DROSHA: variants seen among roughly 807,000 people sequenced by gnomAD.
The protein encoded by DROSHA is ribonuclease 3.
In DROSHA, 56 loss-of-function variants were observed where a neutral mutation model predicts 181.9. That is an observed-to-expected ratio of 0.31 (90% CI 0.25 to 0.38). The LOEUF (loss-of-function observed/expected upper bound fraction) is 0.38. Ranked by LOEUF, DROSHA falls within the 10% of genes least tolerant of loss-of-function variation. DROSHA has a pLI of 1.00. For missense variants in DROSHA, 1,218 were observed against 1,743.5 expected, an observed-to-expected ratio of 0.70 and a Z score of 5.37; for synonymous variants, 524 against 591.2, an observed-to-expected ratio of 0.89 and a Z score of 1.65.
intron 19 of DROSHA, among the ~76,000 whole-genome samples, chr5:31,465,919 C>T (rs776057730): frequency 1.3e-5 from 2 of 152,128 alleles, no homozygotes; most frequent in East Asian, 1.9e-4. Flanking sequence ...AAATAAACCT[C>T]TTTTCTTTAT....
chr5:31,417,408 T>C (rs886770966), intron 30 of DROSHA, among the ~76,000 whole-genome samples: 1 of 152,174 alleles, frequency 6.6e-6, no homozygotes, highest in Non-Finnish European at 1.5e-5. Context: ...AGAAGAGGAA[T>C]GTAATCCGGC....
intron 13 of DROSHA, among the ~76,000 whole-genome samples, chr5:31,491,094 T>C (rs1752344848): frequency 1.3e-5 from 2 of 151,462 alleles, no homozygotes; most frequent in African/African-American, 4.9e-5. Flanking sequence ...TTTAAAAAAG[T>C]CCACATTTTA....
intron 24 of DROSHA, among the ~76,000 whole-genome samples, chr5:31,436,374 C>T (rs1281950320): frequency 6.7e-6 from 1 of 149,332 alleles, no homozygotes. Context: ...AAAAGCAAAA[C>T]ACTTTCCTGC....
chr5:31,471,623 A>G (rs891139522), intron 17 of DROSHA, among the ~76,000 whole-genome samples: 8 of 152,168 alleles, frequency 5.3e-5, no homozygotes, highest in Non-Finnish European at 1.5e-5. Flanking sequence ...TTAACAAGCA[A>G]TTAACAAAAG....
intron 27 of DROSHA, among the ~76,000 whole-genome samples, chr5:31,426,963 C>T (rs904204050): frequency 3.3e-4 from 50 of 152,040 alleles, no homozygotes; most frequent in African/African-American, 8.0e-4. Context: ...CTCTTGCAAT[C>T]GATCAGATAA....
chr5:31,515,587 A>G, intron 6 of DROSHA, 23 bp from the exon 7 acceptor site: 1 of 1,550,950 alleles, frequency 6.4e-7, no homozygotes, highest in African/African-American at 1.4e-5. Context: ...GATATTTGCA[A>G]AATGTTTGGA....
At chr5:31,439,501 G>C (rs1745295259) in intron 23 of DROSHA, among the ~76,000 whole-genome samples, 1 of 151,968 alleles carries the variant, frequency 6.6e-6, no homozygotes, top group South Asian at 2.1e-4. Flanking sequence ...TAGGTTCAGG[G>C]GTACCTGTGC....
At chr5:31,484,286 A>C (rs1166027122) in intron 15 of DROSHA, among the ~76,000 whole-genome samples, 1 of 148,264 alleles carries the variant, frequency 6.7e-6, no homozygotes, top group African/African-American at 2.5e-5. Context: ...AGGCAGGAGA[A>C]TGGCGTGAAC....
chr5:31,496,963 A>T (rs930282627), intron 11 of DROSHA, among the ~76,000 whole-genome samples: 4 of 152,214 alleles, frequency 2.6e-5, no homozygotes, highest in Non-Finnish European at 5.9e-5. Context: ...TCATCTGAGC[A>T]GGTTGTGGAG....
intron 8 of DROSHA, among the ~76,000 whole-genome samples, chr5:31,513,603 A>G (rs768114854): frequency 6.6e-6 from 1 of 152,236 alleles, no homozygotes; most frequent in Non-Finnish European, 1.5e-5. Context: ...TCACACCACT[A>G]TGAGAGACTT....
chr5:31,409,516 T>A lies in DROSHA; in HGVS notation c.3668-184A>T, dbSNP rs1279102644. On this transcript the variant is annotated intron_variant, in intron 31 of 35. Transcript: ENST00000344624. The surrounding 1 kb of genome is among the most constrained non-coding windows in gnomAD (Gnocchi z 4.0). ...CATTAATATCAGAAGCAGCAAGAGA[T>A]GTGTAAGATGCAAATCATAGAGTAC... 3 of 589,826 alleles carry A rather than the reference T, an allele frequency of 5.1e-6. No individual in the cohort carries two copies. Among genetic ancestry groups the A allele is most frequent in the South Asian group, 2.1e-5 (1 of 48,628 alleles). 36.5% of individuals were successfully genotyped at this position (589,826 alleles called of 1,614,324 possible). A position where few individuals can be genotyped will look rare whatever the true frequency, so the allele number is the denominator to read the frequency against.
chr5:31,488,359 A>T (rs990334899), intron 13 of DROSHA, among the ~76,000 whole-genome samples: 28 of 149,216 alleles, frequency 1.9e-4, no homozygotes, highest in African/African-American at 6.8e-4. Flanking sequence ...GTTGCAGTGA[A>T]CCAAGATCAT....
chr5:31,434,141 C>T (rs1744520992), intron 25 of DROSHA, among the ~76,000 whole-genome samples: 1 of 152,198 alleles, frequency 6.6e-6, no homozygotes, highest in Admixed American at 6.5e-5. Context: ...GAGAAACTAG[C>T]CACCTCTGTC....
At chr5:31,526,001 G>A (rs2150063882) in intron 5 of DROSHA, 78 bp downstream of exon 5, 5 of 1,379,978 alleles carry the variant, frequency 3.6e-6, no homozygotes, top group Non-Finnish European at 2.0e-6. Context: ...GGATCCTTTT[G>A]GTTTGGTTGT....
intron 23 of DROSHA, among the ~76,000 whole-genome samples, chr5:31,441,503 T>C (rs1745595281): frequency 6.6e-6 from 1 of 152,220 alleles, no homozygotes; most frequent in South Asian, 2.1e-4. Flanking sequence ...GCTACTCCAC[T>C]AGCCAAGAGT....
intron 30 of DROSHA, among the ~76,000 whole-genome samples, chr5:31,420,510 T>C (rs1742535648): frequency 6.6e-6 from 1 of 152,194 alleles, no homozygotes; most frequent in Non-Finnish European, 1.5e-5. Context: ...GAAACCAAAA[T>C]AAGAGGCATA....
At chr5:31,408,921 CACTA>C in intron 33 of DROSHA, 131 bp downstream of exon 33, 1 of 773,236 alleles carries the variant, frequency 1.3e-6, no homozygotes, top group Admixed American at 3.0e-5. Context: ...CCCAAAGTCA[CACTA>C]ACAGCCAAGA....
chr5:31,475,133 C>A (rs1426897898), intron 16 of DROSHA, among the ~76,000 whole-genome samples: 1 of 151,964 alleles, frequency 6.6e-6, no homozygotes, highest in Non-Finnish European at 1.5e-5. Context: ...GCCTGGGCAG[C>A]ATGGCAAAAC....
At chr5:31,521,964 T>C (rs115850303) in intron 5 of DROSHA, among the ~76,000 whole-genome samples, 1,636 of 152,284 alleles carry the variant, frequency 0.011, 47 homozygotes, top group African/African-American at 0.037. Context: ...AACCTTCCAA[T>C]CTTAGAACAG....
Sources: allele counts gnomAD v4.1 joint callset (sites outside exome capture counted in the v4.1 genomes callset), GRCh38; gene constraint gnomAD v4.1.1; non-coding constraint Gnocchi (gnomAD v3.1); transcripts MANE v1.5; gene names NCBI Gene and HGNC (gene_info 2026-07-23, HGNC 2026-07-21).